Variants in RBMS3 observed in about 807,000 individuals in gnomAD.
RBMS3 encodes RNA binding motif single stranded interacting protein 3, also known as RNA-binding motif, single-stranded-interacting protein 3.
A neutral mutation model predicts 66.8 loss-of-function variants in RBMS3; 27 were observed. The ratio of observed to expected loss-of-function variants is 0.40; its 90% CI spans 0.30 to 0.56. The LOEUF (loss-of-function observed/expected upper bound fraction) is 0.56, where lower values mean the gene tolerates loss of function less well. RBMS3 is among the 20% of genes least tolerant of loss of function. The pLI is 0.40. For missense variants in RBMS3, 513 were observed against 549.5 expected (o/e 0.93, Z 0.66); for synonymous variants, 188 against 183.0 (o/e 1.03, Z -0.22).
chr3:29,640,896 C>T (rs547973788), intron 4 of RBMS3, among the ~76,000 whole-genome samples: 46 of 152,012 alleles, frequency 3.0e-4, no homozygotes, highest in African/African-American at 9.2e-4. Context: ...GCTGTGTTTA[C>T]CCATCTTTAA....
At chr3:29,526,848 GTC>G (rs1313046238) in intron 3 of RBMS3, among the ~76,000 whole-genome samples, 1 of 150,912 alleles carries the variant, frequency 6.6e-6, no homozygotes, top group African/African-American at 2.4e-5. Flanking sequence ...TCTCTCTCAT[GTC>G]TCTTTCATTG....
Position 30,007,721 on chromosome 3 carries a change from ACT to A in RBMS3, c.*3862_*3863del, listed in dbSNP as rs1699842671. The stretch of plus-strand genomic sequence containing the variant: ...TCTTGAATATTGCAAATGTCATAAT[ACT>A]CTTTTAAAACAGTCCTCTACCTGAC... On this transcript the variant is annotated 3_prime_UTR_variant, in exon 15 of 15. Coordinates refer to ENST00000383767, the MANE Select transcript of RBMS3 (RefSeq NM_001003793.3). 6.6e-6 allele frequency: 1 copy of A among 151,864 alleles called. No homozygotes were observed. The highest frequency in any genetic ancestry group is 2.4e-5 in the African/African-American group (1 of 41,358). 9.4% of individuals were successfully genotyped at this position (151,864 alleles called of 1,614,324 possible).
At chr3:29,432,549 T>TTA (rs1456538241) in intron 1 of RBMS3, among the ~76,000 whole-genome samples, 2 of 152,166 alleles carry the variant, frequency 1.3e-5, no homozygotes, top group Non-Finnish European at 2.9e-5. Context: ...CCATTTTTTA[T>TTA]TATATATATA....
intron 1 of RBMS3, among the ~76,000 whole-genome samples, chr3:29,418,132 T>A (rs2040555898): frequency 6.6e-6 from 1 of 152,136 alleles, no homozygotes; most frequent in Admixed American, 6.5e-5. Flanking sequence ...GCTACAAACA[T>A]AACTTTCACT....
chr3:29,420,842 C>A (rs1351213939), intron 1 of RBMS3, among the ~76,000 whole-genome samples: 3 of 151,666 alleles, frequency 2.0e-5, no homozygotes, highest in Non-Finnish European at 4.4e-5. Context: ...CGGTGGCTCA[C>A]GCCTGTAATC....
At chr3:29,806,526 A>G (rs1327310321) in intron 6 of RBMS3, among the ~76,000 whole-genome samples, 3 of 152,098 alleles carry the variant, frequency 2.0e-5, no homozygotes, top group East Asian at 1.9e-4. Flanking sequence ...ATAGTGAAGA[A>G]AGCCAGCACA....
chr3:29,774,195 A>G (rs531904169), intron 6 of RBMS3, among the ~76,000 whole-genome samples: 2 of 152,194 alleles, frequency 1.3e-5, no homozygotes, highest in African/African-American at 4.8e-5. Context: ...AAGTGAATAT[A>G]AAATTCCTCA....
intron 3 of RBMS3, among the ~76,000 whole-genome samples, chr3:29,577,721 C>G (rs1665440486): frequency 6.6e-6 from 1 of 152,132 alleles, no homozygotes; most frequent in South Asian, 2.1e-4. Context: ...TGTAAAGTCC[C>G]CCAGTTGCTG....
chr3:29,791,556 C>T lies in RBMS3; in HGVS notation c.637+28567C>T, dbSNP rs544775353. 1.3e-4 allele frequency among the ~76,000 whole-genome samples: 20 copies of T among 152,082 alleles called. No homozygotes were observed. In the East Asian group the frequency reaches 1.5e-3, roughly 12 times the overall value. On this transcript the variant is annotated intron_variant, in intron 6 of 14. Transcript: ENST00000383767. ...CCTTTTTGAAAGATGGCTTTGAACT[C>T]GGACCAGTCTATAAGGAATAGATTT...
chr3:29,456,194 A>G (rs1169227110), intron 2 of RBMS3, among the ~76,000 whole-genome samples: 2 of 152,202 alleles, frequency 1.3e-5, no homozygotes, highest in African/African-American at 4.8e-5. Context: ...AATAGTAATT[A>G]AAAAATTTTA....
intron 1 of RBMS3, among the ~76,000 whole-genome samples, chr3:29,408,617 A>C (rs1380778518): frequency 1.3e-5 from 2 of 152,102 alleles, no homozygotes; most frequent in Non-Finnish European, 2.9e-5. Flanking sequence ...TGACTCTCTA[A>C]TGTCATTATG....
At chr3:29,994,822 AAAAAACAGAACAG>A (rs1307017648) in intron 14 of RBMS3, among the ~76,000 whole-genome samples, 25 of 152,234 alleles carry the variant, frequency 1.6e-4, no homozygotes, top group Admixed American at 2.0e-4. Context: ...AAAGATGGGG[AAAAAACAGAACAG>A]GAAAACTGGA....
chr3:29,357,841 T>C (rs1242298346), intron 1 of RBMS3, among the ~76,000 whole-genome samples: 2 of 152,222 alleles, frequency 1.3e-5, no homozygotes, highest in South Asian at 2.1e-4. Context: ...GCTGCATAAA[T>C]GTCTTCTTTT....
chr3:29,701,091 A>G lies in RBMS3; in HGVS notation c.400-38629A>G, dbSNP rs190621381. Among the ~76,000 whole-genome samples, 807 of 152,234 alleles carry G rather than the reference A, an allele frequency of 5.3e-3. 3 individuals are homozygous for G. Among genetic ancestry groups the G allele is most frequent in the Non-Finnish European group, 7.8e-3 (533 of 68,006 alleles). On this transcript the variant is annotated intron_variant, in intron 4 of 14. Transcript: ENST00000383767. ...CAGGAGTTCGAGACCAGCCTGGCCA[A>G]CATGGTGAAACCCAGTCTCTACTAA...
chr3:29,817,192 C>CTTTTTT (rs373365962), intron 6 of RBMS3, among the ~76,000 whole-genome samples: 6 of 127,226 alleles, frequency 4.7e-5, no homozygotes, highest in Admixed American at 7.8e-5. Context: ...ATTTTCTTTT[C>CTTTTTT]TTTTTTTTTT....
chr3:29,384,450 G>T (rs573706549), intron 1 of RBMS3, among the ~76,000 whole-genome samples: 202 of 148,678 alleles, frequency 1.4e-3, no homozygotes, highest in African/African-American at 4.6e-3. Context: ...AGAAGAAGAA[G>T]AAGAAGAAGA....
intron 1 of RBMS3, among the ~76,000 whole-genome samples, chr3:29,353,139 T>C (rs893233555): frequency 6.6e-6 from 1 of 151,960 alleles, no homozygotes; most frequent in African/African-American, 2.4e-5. Flanking sequence ...TCACCTAAGA[T>C]TGGTGATAAA....
chr3:29,634,577 C>T (rs1480514155), intron 4 of RBMS3, among the ~76,000 whole-genome samples: 1 of 151,796 alleles, frequency 6.6e-6, no homozygotes. Context: ...TACTGTGTCT[C>T]AGAGGTCTCT....
At chr3:29,746,366 T>A (rs538906155) in intron 5 of RBMS3, among the ~76,000 whole-genome samples, 2 of 152,254 alleles carry the variant, frequency 1.3e-5, no homozygotes, top group African/African-American at 2.4e-5. Context: ...GGCAAATCTC[T>A]AAAGTGTAAA....
Sources: allele counts gnomAD v4.1 joint callset (sites outside exome capture counted in the v4.1 genomes callset), GRCh38; gene constraint gnomAD v4.1.1; transcripts MANE v1.5; gene names NCBI Gene and HGNC (gene_info 2026-07-23, HGNC 2026-07-21).